Variants in NALCN observed in about 807,000 individuals in gnomAD.
NALCN encodes sodium leak channel NALCN.
A neutral mutation model predicts 225.3 loss-of-function variants in NALCN; 111 were observed. The observed-to-expected ratio is 0.49, with a 90% confidence interval of 0.42 to 0.58. The LOEUF (loss-of-function observed/expected upper bound fraction) is 0.58. Among genes scored for constraint, NALCN ranks in the 20% least tolerant of loss-of-function variants. The probability of loss-of-function intolerance (pLI) is 0.00; values close to 1 mark genes in which losing one functional copy is unlikely to be tolerated. For synonymous variants in NALCN, 764 were observed against 769.0 expected, an observed-to-expected ratio of 0.99 and a Z score of 0.11; for missense variants, 1,378 against 2,202.4, an observed-to-expected ratio of 0.63 and a Z score of 7.49.
At chr13:101,178,361 G>C (rs538131362) in intron 14 of NALCN, among the ~76,000 whole-genome samples, 2 of 152,252 alleles carry the variant, frequency 1.3e-5, no homozygotes, top group South Asian at 2.1e-4. Context: ...CTAAAAAAAG[G>C]GGGGTCGGAA....
At chr13:101,352,233 G>C (rs149758107) in intron 6 of NALCN, among the ~76,000 whole-genome samples, 79 of 152,278 alleles carry the variant, frequency 5.2e-4, no homozygotes, top group Middle Eastern at 3.4e-3. Flanking sequence ...AATGCTTTAA[G>C]AGCTATCTAT....
At chr13:101,152,177 G>A (rs1280250088) in intron 15 of NALCN, among the ~76,000 whole-genome samples, 1 of 152,140 alleles carries the variant, frequency 6.6e-6, no homozygotes, top group African/African-American at 2.4e-5. Flanking sequence ...GTTAGCCTAT[G>A]GGCCATAAAA....
At chr13:101,360,096 TTCTTTC>T (rs919101081) in intron 6 of NALCN, among the ~76,000 whole-genome samples, 26 of 146,734 alleles carry the variant, frequency 1.8e-4, no homozygotes, top group African/African-American at 4.9e-4. Context: ...TTTCTTTCTT[TTCTTTC>T]TCTTTCTCTT....
chr13:101,387,539 G>A (rs2047032108), intron 3 of NALCN, among the ~76,000 whole-genome samples: 1 of 152,164 alleles, frequency 6.6e-6, no homozygotes. Context: ...AAGCTTAAAT[G>A]TTAGTGAGAA....
chr13:101,201,648 TTC>T (rs1265266271), intron 13 of NALCN, among the ~76,000 whole-genome samples: 1 of 152,188 alleles, frequency 6.6e-6, no homozygotes, highest in East Asian at 1.9e-4. Flanking sequence ...GATAAATTAC[TTC>T]TGACTTTTTT....
intron 10 of NALCN, among the ~76,000 whole-genome samples, chr13:101,282,673 T>C (rs896027760): frequency 6.6e-6 from 1 of 152,130 alleles, no homozygotes; most frequent in African/African-American, 2.4e-5. Flanking sequence ...CACACAGAGG[T>C]AACTACTGAA....
intron 4 of NALCN, among the ~76,000 whole-genome samples, chr13:101,377,843 A>G (rs2046738040): frequency 6.6e-6 from 1 of 151,930 alleles, no homozygotes; most frequent in South Asian, 2.1e-4. Flanking sequence ...ATCAAATCAA[A>G]TCAATAGAAT....
intron 15 of NALCN, among the ~76,000 whole-genome samples, chr13:101,173,037 T>G (rs2038806316): frequency 6.6e-6 from 1 of 152,202 alleles, no homozygotes; most frequent in Non-Finnish European, 1.5e-5. Context: ...CTGAGGAGGA[T>G]CATCACTCCA....
At chr13:101,156,779 C>T (rs556780169) in intron 15 of NALCN, among the ~76,000 whole-genome samples, 1 of 152,202 alleles carries the variant, frequency 6.6e-6, no homozygotes, top group East Asian at 1.9e-4. Context: ...ATAAATATGA[C>T]ACTTTAAATT....
chr13:101,258,032 A>C (rs1303832020), intron 11 of NALCN, among the ~76,000 whole-genome samples: 3 of 152,146 alleles, frequency 2.0e-5, no homozygotes, highest in Non-Finnish European at 1.5e-5. Flanking sequence ...CCATCTCTCT[A>C]TATGTCCTTC....
intron 13 of NALCN, among the ~76,000 whole-genome samples, chr13:101,224,871 C>T (rs2140119318): frequency 6.6e-6 from 1 of 152,242 alleles, no homozygotes; most frequent in South Asian, 2.1e-4. Context: ...GGGAAATTTC[C>T]CTGTAGGGTC....
chr13:101,328,408 C>T (rs77176503), intron 7 of NALCN, among the ~76,000 whole-genome samples: 16,316 of 152,020 alleles, frequency 0.11, 1,213 homozygotes, highest in African/African-American at 0.2. Flanking sequence ...GCTTCCCAGG[C>T]TTAAGCCATC....
chr13:101,250,066 A>G (rs755401827), intron 11 of NALCN, among the ~76,000 whole-genome samples: 1 of 152,130 alleles, frequency 6.6e-6, no homozygotes, highest in Non-Finnish European at 1.5e-5. Flanking sequence ...TAAAAAATTA[A>G]TATTATTCCT....
intron 43 of NALCN, 99 bp downstream of exon 43, chr13:101,057,840 T>C: frequency 1.1e-6 from 1 of 905,506 alleles, no homozygotes; most frequent in Non-Finnish European, 1.8e-6. Context: ...CAACTGTAGA[T>C]GCAGACTTGC....
At chr13:101,385,949 C>T (rs1397938956) in intron 3 of NALCN, among the ~76,000 whole-genome samples, 3 of 151,966 alleles carry the variant, frequency 2.0e-5, no homozygotes, top group African/African-American at 4.8e-5. Context: ...CTTAGAGACC[C>T]GTGAATCTGT....
At position 101,378,898 on chromosome 13, in the gene NALCN, A is replaced by T. The variant is rs184590779; in HGVS notation, c.292-245T>A. Among the ~76,000 whole-genome samples the T allele has an allele frequency of 4.7e-3, 701 of 150,596 alleles. 7 individuals carry two copies. Among genetic ancestry groups the T allele is most frequent in the African/African-American group, 0.016 (642 of 41,036 alleles). On this transcript the variant is annotated intron_variant, in intron 3 of 43. Coordinates refer to ENST00000251127, the MANE Select transcript of NALCN (RefSeq NM_052867.4). ...ATTCATGCAAAGGGAAAATATCACT[A>T]TTTTTTTTTTCTCAGCCACACAAAT...
intron 7 of NALCN, among the ~76,000 whole-genome samples, chr13:101,305,136 T>C (rs2044114091): frequency 6.6e-6 from 1 of 152,226 alleles, no homozygotes; most frequent in Admixed American, 6.5e-5. Flanking sequence ...ACGGTTTTTA[T>C]GAACCTCTGT....
At chr13:101,370,721 T>A (rs1204041426) in intron 6 of NALCN, among the ~76,000 whole-genome samples, 1 of 152,168 alleles carries the variant, frequency 6.6e-6, no homozygotes, top group Non-Finnish European at 1.5e-5. Context: ...TATGAAAAAT[T>A]AGATTTCTAC....
intron 1 of NALCN, among the ~76,000 whole-genome samples, chr13:101,412,252 T>A (rs1406187787): frequency 2.0e-5 from 3 of 152,232 alleles, no homozygotes; most frequent in Non-Finnish European, 4.4e-5. Flanking sequence ...ATCCCCTCTG[T>A]CAGGAAAAAC....
Sources: gnomAD v4.1 joint callset for allele counts (sites outside exome capture counted in the v4.1 genomes callset) on GRCh38, gnomAD v4.1.1 for gene constraint, MANE v1.5 for transcripts, NCBI Gene and HGNC (gene_info 2026-07-23, HGNC 2026-07-21) for gene names.